EP300: variants seen among roughly 807,000 people sequenced by gnomAD.
The protein encoded by EP300 is EP300 lysine acetyltransferase.
A neutral mutation model predicts 264.0 loss-of-function variants in EP300; 31 were observed. The ratio of observed to expected loss-of-function variants is 0.12; its 90% CI spans 0.09 to 0.16. EP300 has a LOEUF of 0.16. Ranked by LOEUF, EP300 falls within the 10% of genes least tolerant of loss-of-function variation. The pLI is 1.00. For missense variants in EP300, 2,766 were observed against 3,052.9 expected (o/e 0.91, Z 2.21); for synonymous variants, 1,340 against 1,045.4 (o/e 1.28, Z -5.44).
Position 41,173,729 on chromosome 22 carries a change from A to C in EP300, c.4724A>C (p.Asn1575Thr). ...AACAAGAAGAAACCCGGGATGCCCA[A>C]TGTATCTAACGACCTCTCACAGAAA... The part of the protein sequence containing the change: ...RGNKKKPGMP[N>T]VSNDLSQKLY... Residue 1575 changes from asparagine to threonine, a missense_variant, in exon 29 of 31, where the codon AAT becomes ACT. Coordinates refer to ENST00000263253, the MANE Select transcript of EP300 (RefSeq NM_001429.4). 2 of 1,614,230 alleles carry C rather than the reference A, an allele frequency of 1.2e-6. No homozygotes were observed. Among genetic ancestry groups the C allele is most frequent in the African/African-American group, 1.3e-5 (1 of 75,060 alleles).
At chr22:41,120,952 C>T (rs1017583375) in intron 2 of EP300, among the ~76,000 whole-genome samples, 1 of 152,168 alleles carries the variant, frequency 6.6e-6, no homozygotes, top group African/African-American at 2.4e-5. Context: ...CTGCCTTGGT[C>T]TTCCAAAGTG....
intron 2 of EP300, among the ~76,000 whole-genome samples, chr22:41,119,479 G>T (rs2058840587): frequency 6.6e-6 from 1 of 152,120 alleles, no homozygotes. Context: ...TTCTGTTACG[G>T]AGAGGAGGGA....
At chr22:41,093,286 T>C (rs1268742535) in intron 1 of EP300, among the ~76,000 whole-genome samples, 188 bp downstream of exon 1, 1 of 152,214 alleles carries the variant, frequency 6.6e-6, no homozygotes, top group Non-Finnish European at 1.5e-5. Flanking sequence ...TCCTAATACA[T>C]TGATTGCAAC....
intron 29 of EP300, chr22:41,175,914 C>T: frequency 2.9e-6 from 1 of 346,538 alleles, no homozygotes; most frequent in Non-Finnish European, 5.5e-6. Context: ...ACTAACTCAG[C>T]ATTCGCCAGT....
At chr22:41,145,640 T>C (rs111445503) in intron 10 of EP300, among the ~76,000 whole-genome samples, 182 of 152,378 alleles carry the variant, frequency 1.2e-3, no homozygotes, top group African/African-American at 4.1e-3. Context: ...TAGGTTTTTT[T>C]TGAGACGGAG....
intron 1 of EP300, among the ~76,000 whole-genome samples, chr22:41,111,676 A>C (rs1272705987): frequency 6.7e-6 from 1 of 150,100 alleles, no homozygotes; most frequent in Non-Finnish European, 1.5e-5. Flanking sequence ...TGAGTAGCTG[A>C]GGTTACGGCC....
intron 3 of EP300, among the ~76,000 whole-genome samples, chr22:41,126,557 T>C (rs1281097290): frequency 6.6e-6 from 1 of 152,084 alleles, no homozygotes. Context: ...GTAGTAAATG[T>C]GTCTGCATTC....
intron 1 of EP300, among the ~76,000 whole-genome samples, chr22:41,113,789 G>A (rs1283443434): frequency 6.6e-6 from 1 of 152,248 alleles, no homozygotes; most frequent in Non-Finnish European, 1.5e-5. Flanking sequence ...CTCGTGATCC[G>A]CCCACCTCGG....
At chr22:41,112,610 G>A (rs1370425540) in intron 1 of EP300, among the ~76,000 whole-genome samples, 1 of 152,020 alleles carries the variant, frequency 6.6e-6, no homozygotes, top group East Asian at 1.9e-4. Context: ...GATGATTTTT[G>A]AGCCTTTGGT....
At chr22:41,125,188 G>A (rs1196515518) in intron 2 of EP300, among the ~76,000 whole-genome samples, 8 of 144,022 alleles carry the variant, frequency 5.6e-5, no homozygotes, top group African/African-American at 1.3e-4. Context: ...GCGTGATCTC[G>A]GCTCACTGCA....
At chr22:41,136,303 C>T (rs1325259239) in intron 7 of EP300, among the ~76,000 whole-genome samples, 2 of 152,242 alleles carry the variant, frequency 1.3e-5, no homozygotes, top group East Asian at 1.9e-4. Flanking sequence ...GGATTGCAGG[C>T]GTGAGCCACC....
At position 41,125,994 on chromosome 22, in the gene EP300, T is replaced by G. The variant is rs1489771690; in HGVS notation, c.860T>G (p.Phe287Cys). 1 of 1,614,032 alleles carries G rather than the reference T, an allele frequency of 6.2e-7. No homozygotes were observed. The highest frequency in any genetic ancestry group is 8.5e-7 in the Non-Finnish European group (1 of 1,180,032). Residue 287 changes from phenylalanine to cysteine, a missense_variant, in exon 3 of 31, where the codon TTT (phenylalanine) becomes TGT (cysteine). Coordinates refer to ENST00000263253, the MANE Select transcript of EP300 (RefSeq NM_001429.4). ...GTACTATCAAATAACTTATCTCCAT[T>G]TGCTATGGACAAAAAGGCAGTTCCT... ...KTVLSNNLSP[F>C]AMDKKAVPGG...
chr22:41,111,355 A>C (rs2058789158), intron 1 of EP300, among the ~76,000 whole-genome samples: 1 of 152,214 alleles, frequency 6.6e-6, no homozygotes, highest in Non-Finnish European at 1.5e-5. Context: ...TATTTATGGT[A>C]TAACCAGTCA....
At chr22:41,123,562 G>A (rs1306052050) in intron 2 of EP300, among the ~76,000 whole-genome samples, 1 of 152,194 alleles carries the variant, frequency 6.6e-6, no homozygotes, top group Non-Finnish European at 1.5e-5. Flanking sequence ...GTGTCTATGT[G>A]TGCTTTTAGA....
At chr22:41,111,571 T>C (rs1038746640) in intron 1 of EP300, among the ~76,000 whole-genome samples, 6 of 152,152 alleles carry the variant, frequency 3.9e-5, no homozygotes, top group Non-Finnish European at 1.5e-5. Flanking sequence ...AGACGGAGTT[T>C]TGCTTTTGTC....
chr22:41,096,539 A>G (rs562932446), intron 1 of EP300, among the ~76,000 whole-genome samples: 29 of 151,018 alleles, frequency 1.9e-4, no homozygotes, highest in Non-Finnish European at 4.0e-4. Context: ...TGTGTAAAGT[A>G]TACCTGCTTT....
In EP300 at chr22:41,168,854, C is replaced by T. The variant is rs2145763922; in HGVS notation, c.4159C>T (p.Pro1387Ser). 1 of 1,614,202 alleles carries T rather than the reference C, an allele frequency of 6.2e-7. No homozygotes were observed. The highest frequency in any genetic ancestry group is 8.5e-7 in the Non-Finnish European group (1 of 1,180,044). The change falls in exon 25 of 31, where the codon CCA (proline) becomes TCA (serine). Residue 1387 changes from proline to serine, a missense_variant. Physicochemically the swap from Pro to Ser is moderately conservative, Grantham distance 74. Coordinates refer to ENST00000263253, the MANE Select transcript of EP300 (RefSeq NM_001429.4). ...TCAAGAGTATGGCTCTGACTGCCCT[C>T]CACCCAACCAGAGGTATGACTAGCT... Reference protein sequence around the residue: ...HVQEYGSDCPPPNQRRVYISY... With the variant: ...HVQEYGSDCPSPNQRRVYISY...
chr22:41,157,522 T>C, intron 18 of EP300, 114 bp downstream of exon 18: 1 of 1,307,734 alleles, frequency 7.6e-7, no homozygotes, highest in South Asian at 1.3e-5. Context: ...CTTTTTTTTT[T>C]TTTTTTTTTT....
At chr22:41,106,252 C>G (rs2145682632) in intron 1 of EP300, among the ~76,000 whole-genome samples, 1 of 152,232 alleles carries the variant, frequency 6.6e-6, no homozygotes, top group Non-Finnish European at 1.5e-5. Context: ...GTAGGAGTGT[C>G]CAAAAGCAAT....
Sources: allele counts gnomAD v4.1 joint callset (sites outside exome capture counted in the v4.1 genomes callset), GRCh38; gene constraint gnomAD v4.1.1; transcripts MANE v1.5; gene names NCBI Gene and HGNC (gene_info 2026-07-23, HGNC 2026-07-21).